RPS6KA5: variants seen among roughly 807,000 people sequenced by gnomAD.
The protein encoded by RPS6KA5 is ribosomal protein S6 kinase A5.
A neutral mutation model predicts 85.5 loss-of-function variants in RPS6KA5; 27 were observed. The observed-to-expected ratio is 0.32, with a 90% confidence interval of 0.23 to 0.44. The LOEUF is 0.44. Ranked by LOEUF, RPS6KA5 falls within the 20% of genes least tolerant of loss-of-function variation. The probability of loss-of-function intolerance (pLI) is 1.00; values close to 1 mark genes in which losing one functional copy is unlikely to be tolerated. For missense variants in RPS6KA5, 811 were observed against 980.9 expected, an observed-to-expected ratio of 0.83 and a Z score of 2.31; for synonymous variants, 334 against 348.2, an observed-to-expected ratio of 0.96 and a Z score of 0.46.
chr14:90,937,986 A>C (rs2037366334), intron 5 of RPS6KA5, among the ~76,000 whole-genome samples: 1 of 152,082 alleles, frequency 6.6e-6, no homozygotes, highest in Admixed American at 6.5e-5. Context: ...TTCAGCATTA[A>C]CTCAAAAGTC....
At chr14:90,959,502 C>T (rs2038689998) in intron 3 of RPS6KA5, among the ~76,000 whole-genome samples, 2 of 152,142 alleles carry the variant, frequency 1.3e-5, no homozygotes, top group Admixed American at 1.3e-4. Context: ...AAGGACTCAG[C>T]ATAACTGAGC....
chr14:90,890,290 T>C (rs1406918505), intron 14 of RPS6KA5, among the ~76,000 whole-genome samples, 197 bp downstream of exon 14: 2 of 152,268 alleles, frequency 1.3e-5, no homozygotes, highest in South Asian at 2.1e-4. Context: ...TAAACCAAAA[T>C]AGAAATTCTT....
chr14:90,954,750 T>A (rs996793393), intron 3 of RPS6KA5, among the ~76,000 whole-genome samples: 4 of 152,196 alleles, frequency 2.6e-5, no homozygotes, highest in African/African-American at 9.7e-5. Flanking sequence ...ACAGTAGCAA[T>A]AGTTCAATTT....
intron 1 of RPS6KA5, among the ~76,000 whole-genome samples, chr14:91,028,867 A>C (rs2139827860): frequency 6.6e-6 from 1 of 152,340 alleles, no homozygotes; most frequent in African/African-American, 2.4e-5. Flanking sequence ...GGTTTACTTT[A>C]TATACATAGA....
intron 1 of RPS6KA5, among the ~76,000 whole-genome samples, chr14:91,039,999 A>G (rs530101452): frequency 6.6e-6 from 1 of 152,250 alleles, no homozygotes; most frequent in Non-Finnish European, 1.5e-5. Flanking sequence ...TTTCAGAGTT[A>G]TAACTGACAC....
chr14:90,927,831 T>C (rs980470662), intron 5 of RPS6KA5, among the ~76,000 whole-genome samples: 1 of 152,122 alleles, frequency 6.6e-6, no homozygotes, highest in African/African-American at 2.4e-5. Context: ...TATTCAAGAT[T>C]TGAATGATAT....
chr14:91,013,530 C>G (rs564877555), intron 1 of RPS6KA5, among the ~76,000 whole-genome samples: 2 of 148,420 alleles, frequency 1.3e-5, no homozygotes, highest in Admixed American at 6.7e-5. Context: ...GAGAACATGG[C>G]ATATCTGAGA....
chr14:90,953,539 G>A (rs1463920435), intron 3 of RPS6KA5, among the ~76,000 whole-genome samples: 1 of 152,168 alleles, frequency 6.6e-6, no homozygotes, highest in Non-Finnish European at 1.5e-5. Flanking sequence ...CTGCCTGCAG[G>A]GTTGGGCAAA....
At chr14:90,906,334 AGGATG>A in intron 7 of RPS6KA5, 35 bp from the exon 8 acceptor site, 2 of 1,491,368 alleles carry the variant, frequency 1.3e-6, no homozygotes, top group Non-Finnish European at 1.8e-6. Flanking sequence ...TAAAACAAAC[AGGATG>A]ACAAAAAAAA....
chr14:90,905,768 A>C (rs1011820398), intron 8 of RPS6KA5, among the ~76,000 whole-genome samples: 1 of 152,246 alleles, frequency 6.6e-6, no homozygotes, highest in Non-Finnish European at 1.5e-5. Context: ...AGTGGCAGTA[A>C]TAGCTCATGA....
chr14:91,020,614 T>TTG (rs71117396), intron 1 of RPS6KA5, among the ~76,000 whole-genome samples: 14,274 of 91,200 alleles, frequency 0.16, 2,513 homozygotes, highest in Middle Eastern at 0.26. Flanking sequence ...ATATATCCTA[T>TTG]TGTGTGTGTG....
intron 1 of RPS6KA5, among the ~76,000 whole-genome samples, chr14:91,020,556 G>C (rs1367433260): frequency 2.1e-5 from 3 of 139,882 alleles, no homozygotes; most frequent in Admixed American, 7.0e-5. Context: ...GTGTGTGTGT[G>C]TGTGTGTGTG....
intron 3 of RPS6KA5, among the ~76,000 whole-genome samples, chr14:90,966,287 G>C (rs1332976449): frequency 2.0e-5 from 3 of 152,204 alleles, no homozygotes; most frequent in Non-Finnish European, 4.4e-5. Context: ...GTTGAGTACA[G>C]GAAGGTGGTC....
intron 1 of RPS6KA5, among the ~76,000 whole-genome samples, chr14:91,009,870 TAG>T (rs1375560213): frequency 1.3e-5 from 2 of 152,066 alleles, no homozygotes; most frequent in African/African-American, 4.8e-5. Context: ...GATGATTACC[TAG>T]AGTTATGAGG....
chr14:90,915,116 T>TA lies in RPS6KA5; in HGVS notation c.806+5089dup, dbSNP rs534041749. Reference sequence around the variant, plus strand: ...CATTTGATTTCTTCTTAAAACAGGGTAAAAAAAAAGATACTTGTAGTTACT... The same window carrying TA: ...CATTTGATTTCTTCTTAAAACAGGGTAAAAAAAAAAGATACTTGTAGTTACT... On this transcript the variant is annotated intron_variant, in intron 7 of 16. Transcript: ENST00000614987. Among the ~76,000 whole-genome samples the TA allele has an allele frequency of 4.3e-4, 65 of 150,962 alleles. No homozygotes were observed. The South Asian group carries it at 4.6e-3, about 11-fold the overall frequency.
rs201667401 is a variant in RPS6KA5, at chr14:90,993,480, GAACAAC to G, written c.175+7602_175+7607del. 2.1e-4 allele frequency among the ~76,000 whole-genome samples: 32 copies of G among 152,128 alleles called. 1 individual carries two copies. The Middle Eastern group carries it at 0.014, about 65-fold the overall frequency. ...ACAGAGCAAGACTCCGTCTCAAAAA[GAACAAC>G]AACAACAACAAGTGTCTTTTTGCCA... On this transcript the variant is annotated intron_variant, in intron 2 of 16. Coordinates refer to ENST00000614987, the MANE Select transcript of RPS6KA5 (RefSeq NM_004755.4).
intron 10 of RPS6KA5, 118 bp from the exon 11 acceptor site, chr14:90,900,359 A>G (rs779142366): frequency 9.8e-6 from 7 of 712,224 alleles, no homozygotes; most frequent in East Asian, 3.1e-5. Flanking sequence ...GAATACATTT[A>G]TAATCTAAAA....
intron 7 of RPS6KA5, 28 bp downstream of exon 7, chr14:90,920,178 G>A (rs374826042): frequency 2.7e-5 from 35 of 1,300,078 alleles, no homozygotes; most frequent in Admixed American, 8.4e-5. Flanking sequence ...AGAAAACAAT[G>A]CATTTATTTT....
At chr14:90,914,675 C>A (rs1227228911) in intron 7 of RPS6KA5, among the ~76,000 whole-genome samples, 1 of 152,048 alleles carries the variant, frequency 6.6e-6, no homozygotes, top group Admixed American at 6.6e-5. Context: ...TGCCTCAGAG[C>A]AATTAATAAC....
Sources: allele counts gnomAD v4.1 joint callset (sites outside exome capture counted in the v4.1 genomes callset), GRCh38; gene constraint gnomAD v4.1.1; transcripts MANE v1.5; gene names NCBI Gene and HGNC (gene_info 2026-07-23, HGNC 2026-07-21).